The following RAPGEF2 variants were observed in gnomAD, a reference collection of about 807,000 sequenced individuals.
The protein encoded by RAPGEF2 is Rap guanine nucleotide exchange factor 2, also known as PDZ domain containing guanine nucleotide exchange factor (GEF) 1.
A neutral mutation model predicts 186.7 loss-of-function variants in RAPGEF2; 54 were observed. That is an observed-to-expected ratio of 0.29 (90% CI 0.23 to 0.36). RAPGEF2 has a LOEUF of 0.36. Ranked by LOEUF, RAPGEF2 falls within the 10% of genes least tolerant of loss-of-function variation. The pLI, the probability that RAPGEF2 is intolerant of heterozygous loss-of-function variation, is 1.00. For missense variants in RAPGEF2, 1,532 were observed against 2,045.0 expected (o/e 0.75, Z 4.84); for synonymous variants, 712 against 705.9 (o/e 1.01, Z -0.14).
In RAPGEF2 at chr4:159,233,960, T is replaced by A. The variant is rs114217596; in HGVS notation, c.282-4849T>A. Among the ~76,000 whole-genome samples, 678 of 152,224 alleles carry A rather than the reference T, an allele frequency of 4.5e-3. 2 individuals are homozygous for A. Among genetic ancestry groups the A allele is most frequent in the African/African-American group, 0.015 (638 of 41,530 alleles). The stretch of plus-strand genomic sequence containing the variant: ...ATTGGGAAGCGTGAGTCCTCATTGT[T>A]CTTTTTCAAGATTGTCTTGGCAAAT... On this transcript the variant is annotated intron_variant, in intron 4 of 29. Coordinates refer to ENST00000691494, the MANE Select transcript of RAPGEF2 (RefSeq NM_001394067.2).
At chr4:159,280,340 C>A (rs1204472855) in intron 7 of RAPGEF2, among the ~76,000 whole-genome samples, 1 of 152,056 alleles carries the variant, frequency 6.6e-6, no homozygotes, top group Non-Finnish European at 1.5e-5. Context: ...ATAATTAGAC[C>A]TTTTAGAAAG....
intron 17 of RAPGEF2, among the ~76,000 whole-genome samples, chr4:159,334,104 A>T (rs1360045868): frequency 1.3e-5 from 2 of 152,206 alleles, no homozygotes; most frequent in African/African-American, 4.8e-5. Context: ...GCTCAAGAGG[A>T]TATATTGAGT....
intron 25 of RAPGEF2, among the ~76,000 whole-genome samples, chr4:159,348,242 AGATG>A (rs57748987): frequency 0.28 from 41,089 of 144,760 alleles, 6,924 homozygotes; most frequent in East Asian, 0.8. Context: ...ATAGATAGAT[AGATG>A]GATGGATGGA....
intron 3 of RAPGEF2, among the ~76,000 whole-genome samples, chr4:159,207,078 T>C (rs538554696): frequency 6.6e-6 from 1 of 152,380 alleles, no homozygotes. Flanking sequence ...AAATGTTGAT[T>C]GAATGGTCAT....
chr4:159,350,110 T>C, intron 25 of RAPGEF2, 27 bp from the exon 26 acceptor site: 2 of 1,420,026 alleles, frequency 1.4e-6, no homozygotes, highest in Non-Finnish European at 1.9e-6. Context: ...AAAATACATA[T>C]TTAAGGTTTT....
rs750267749 is a variant in RAPGEF2 at position 159,350,167 on chromosome 4, T to A, written c.3743T>A (p.Ile1248Asn). The change falls in exon 26 of 30, where the codon ATT becomes AAT. Residue 1248 changes from isoleucine (I) to asparagine (N), a missense_variant. Coordinates refer to ENST00000691494, the MANE Select transcript of RAPGEF2 (RefSeq NM_001394067.2). ...GINSPQALKK[I>N]LSLSEEGSLE... ...AACTCTCCACAAGCTTTAAAAAAAA[T>A]TCTTTCTTTGTCTGAAGAAGGAAGT... 2.5e-6 allele frequency: 4 copies of A among 1,575,082 alleles called. No individual in the cohort carries two copies. The highest frequency in any genetic ancestry group is 3.4e-6 in the Non-Finnish European group (4 of 1,160,604).
At chr4:159,192,027 G>A (rs931317472) in intron 2 of RAPGEF2, among the ~76,000 whole-genome samples, 1 of 152,144 alleles carries the variant, frequency 6.6e-6, no homozygotes, top group Admixed American at 6.5e-5. Flanking sequence ...TAAAGAGGCC[G>A]AGGCAAGAAC....
At chr4:159,246,555 G>A (rs1013852488) in intron 7 of RAPGEF2, among the ~76,000 whole-genome samples, 1 of 152,116 alleles carries the variant, frequency 6.6e-6, no homozygotes, top group Non-Finnish European at 1.5e-5. Context: ...CTGAGATAGA[G>A]TTAAGTTGGT....
intron 2 of RAPGEF2, among the ~76,000 whole-genome samples, chr4:159,190,206 G>C (rs1747971869): frequency 6.6e-6 from 1 of 152,198 alleles, no homozygotes; most frequent in South Asian, 2.1e-4. Flanking sequence ...ATAGCAAATA[G>C]CATAGGAGTT....
chr4:159,126,534 A>G (rs951220681), intron 1 of RAPGEF2, among the ~76,000 whole-genome samples: 2 of 151,252 alleles, frequency 1.3e-5, no homozygotes, highest in African/African-American at 4.8e-5. Context: ...CAGGTTTTAA[A>G]AAAAAAAAAA....
intron 1 of RAPGEF2, among the ~76,000 whole-genome samples, chr4:159,152,254 A>C (rs1743628289): frequency 6.6e-6 from 1 of 152,146 alleles, no homozygotes; most frequent in Admixed American, 6.5e-5. Flanking sequence ...TGGGAGGCAG[A>C]GTCTGCAAGT....
chr4:159,330,644 CAAAAAA>C lies in RAPGEF2; in HGVS notation c.1467+150_1467+155del, dbSNP rs200543450. 1.2e-3 allele frequency: 691 copies of C among 572,234 alleles called. 15 individuals carry two copies. The East Asian group carries it at 0.023, about 19-fold the overall frequency. The allele number at this position is 572,234 out of a possible 1,614,324, so 35.4% of individuals were successfully genotyped here. Reference sequence around the variant, plus strand: ...TCTGAAGCAAAAAAAAACAAAAAAACAAAAAAAAAGGTGATACAAAATATTAGTTCA... The same window carrying C: ...TCTGAAGCAAAAAAAAACAAAAAAACAAAGGTGATACAAAATATTAGTTCA... On this transcript the variant is annotated intron_variant, in intron 13 of 29. Transcript: ENST00000691494.
At chr4:159,302,222 CA>C (rs1188801029) in intron 7 of RAPGEF2, among the ~76,000 whole-genome samples, 1 of 152,132 alleles carries the variant, frequency 6.6e-6, no homozygotes, top group East Asian at 1.9e-4. Context: ...GCTCTCCATA[CA>C]GTGAATTCTT....
chr4:159,116,639 G>A (rs1185205037), intron 1 of RAPGEF2, among the ~76,000 whole-genome samples: 2 of 152,182 alleles, frequency 1.3e-5, no homozygotes, highest in East Asian at 1.9e-4. Flanking sequence ...ATTCACAATA[G>A]CAAAGACATG....
At chr4:159,243,856 C>T (rs775071649) in intron 7 of RAPGEF2, 65 bp downstream of exon 7, 6 of 1,081,692 alleles carry the variant, frequency 5.5e-6, no homozygotes, top group Non-Finnish European at 7.5e-6. Context: ...TGCACTGTTA[C>T]TAATGAATTT....
intron 1 of RAPGEF2, among the ~76,000 whole-genome samples, chr4:159,174,447 C>T (rs1212642329): frequency 6.6e-6 from 1 of 152,196 alleles, no homozygotes; most frequent in Non-Finnish European, 1.5e-5. Flanking sequence ...GGCTCCCTGA[C>T]ACCAACTTGA....
intron 1 of RAPGEF2, among the ~76,000 whole-genome samples, chr4:159,166,903 A>G (rs569651788): frequency 7.1e-4 from 108 of 152,230 alleles, no homozygotes; most frequent in Non-Finnish European, 1.4e-3. Flanking sequence ...ACTGGAATAG[A>G]CCTCAGATGC....
At chr4:159,325,472 G>A (rs1765795982) in intron 11 of RAPGEF2, among the ~76,000 whole-genome samples, 1 of 152,082 alleles carries the variant, frequency 6.6e-6, no homozygotes, top group African/African-American at 2.4e-5. Flanking sequence ...GTCAAAACAA[G>A]CTAGCAAATT....
At chr4:159,240,599 C>G (rs1299424848) in intron 5 of RAPGEF2, among the ~76,000 whole-genome samples, 1 of 151,996 alleles carries the variant, frequency 6.6e-6, no homozygotes, top group African/African-American at 2.4e-5. Flanking sequence ...TCCCAAAGTG[C>G]TGGGATTACA....
Sources: allele counts gnomAD v4.1 joint callset (sites outside exome capture counted in the v4.1 genomes callset), GRCh38; gene constraint gnomAD v4.1.1; transcripts MANE v1.5; gene names NCBI Gene and HGNC (gene_info 2026-07-23, HGNC 2026-07-21).